KCND2: variants seen among roughly 807,000 people sequenced by gnomAD.
The protein encoded by KCND2 is potassium voltage-gated channel subfamily D member 2.
In KCND2, 16 loss-of-function variants were observed where a neutral mutation model predicts 54.4. The observed-to-expected ratio is 0.29, with a 90% CI of 0.20 to 0.45. The LOEUF (loss-of-function observed/expected upper bound fraction) is 0.45, where lower values mean the gene tolerates loss of function less well. Among genes scored for constraint, KCND2 ranks in the 20% least tolerant of loss-of-function variants. The pLI, the probability that KCND2 is intolerant of heterozygous loss-of-function variation, is 1.00. For missense variants in KCND2, 486 were observed against 824.2 expected (o/e 0.59, Z 5.02); for synonymous variants, 317 against 310.7 (o/e 1.02, Z -0.21).
At chr7:120,651,982 A>G (rs1424898270) in intron 1 of KCND2, among the ~76,000 whole-genome samples, 3 of 152,152 alleles carry the variant, frequency 2.0e-5, no homozygotes, top group Admixed American at 1.3e-4. Flanking sequence ...GCTATGGGAA[A>G]TCTGTTAATT....
chr7:120,525,003 G>T (rs977412115), intron 1 of KCND2, among the ~76,000 whole-genome samples: 1 of 152,002 alleles, frequency 6.6e-6, no homozygotes, highest in Non-Finnish European at 1.5e-5. Context: ...TTCAGACTTT[G>T]CATCTTTAGT....
intron 1 of KCND2, among the ~76,000 whole-genome samples, chr7:120,549,667 T>C (rs1455884067): frequency 2.0e-5 from 3 of 152,178 alleles, no homozygotes; most frequent in Non-Finnish European, 4.4e-5. Flanking sequence ...TCTAAAAGCA[T>C]CCATCCTGCT....
chr7:120,338,821 G>A (rs531189745), intron 1 of KCND2, among the ~76,000 whole-genome samples: 8 of 151,964 alleles, frequency 5.3e-5, no homozygotes, highest in Admixed American at 3.3e-4. Flanking sequence ...CAGAGAGTTG[G>A]GTGTAGTAAA....
rs1173605691 is a variant in KCND2, at chr7:120,663,867, A to C, written c.1116-69036A>C. On this transcript the variant is annotated intron_variant, in intron 1 of 5. Coordinates refer to ENST00000331113, the MANE Select transcript of KCND2 (RefSeq NM_012281.3). Reference sequence around the variant, plus strand: ...AGAAACTCCAATTAGTTTCCTCACCATTATTATATGCCACAGTTAATATTC... The same window carrying C: ...AGAAACTCCAATTAGTTTCCTCACCCTTATTATATGCCACAGTTAATATTC... 3.3e-5 allele frequency among the ~76,000 whole-genome samples: 5 copies of C among 152,264 alleles called. 1 individual carries two copies. In the Middle Eastern group the frequency reaches 0.014, roughly 414 times the overall value.
chr7:120,689,750 CCTT>C (rs1792247275), intron 1 of KCND2, among the ~76,000 whole-genome samples: 1 of 152,206 alleles, frequency 6.6e-6, no homozygotes, highest in South Asian at 2.1e-4. Context: ...ATTTTTTTCT[CCTT>C]CTAAAGAGAG....
At chr7:120,512,709 T>A (rs1475491464) in intron 1 of KCND2, among the ~76,000 whole-genome samples, 1 of 151,986 alleles carries the variant, frequency 6.6e-6, no homozygotes, top group Non-Finnish European at 1.5e-5. Context: ...AGTGAGGGAT[T>A]TTTTCTCCTT....
At chr7:120,302,630 A>G (rs940989413) in intron 1 of KCND2, among the ~76,000 whole-genome samples, 5 of 152,328 alleles carry the variant, frequency 3.3e-5, no homozygotes, top group African/African-American at 9.6e-5. Context: ...GATGTTTTAT[A>G]TATGGTTAAA....
At chr7:120,310,964 G>T (rs1044774762) in intron 1 of KCND2, among the ~76,000 whole-genome samples, 1 of 149,570 alleles carries the variant, frequency 6.7e-6, no homozygotes, top group African/African-American at 2.5e-5. Context: ...AGAAAGAAAA[G>T]AAAACTCTGT....
chr7:120,687,567 GC>G (rs757912845), intron 1 of KCND2, among the ~76,000 whole-genome samples: 6 of 152,040 alleles, frequency 3.9e-5, no homozygotes, highest in Non-Finnish European at 7.4e-5. Context: ...TGTAATCCCA[GC>G]ACTTTGGGAG....
chr7:120,334,852 A>G (rs1800121858), intron 1 of KCND2, among the ~76,000 whole-genome samples: 3 of 152,258 alleles, frequency 2.0e-5, no homozygotes, highest in African/African-American at 2.4e-5. Flanking sequence ...ATTGTATTAC[A>G]GTAAACAGAG....
intron 1 of KCND2, among the ~76,000 whole-genome samples, chr7:120,288,388 A>G (rs1032759476): frequency 4.6e-5 from 7 of 152,140 alleles, no homozygotes; most frequent in Non-Finnish European, 1.0e-4. Context: ...TCCAAAGAAG[A>G]TAATTTTTAA....
At position 120,275,526 on chromosome 7, in the gene KCND2, C is replaced by T. The variant is rs1290518120; in HGVS notation, c.894C>T (p.Phe298=). The change falls in exon 1 of 6, where the codon TTC becomes TTT. Residue 298 remains phenylalanine, a synonymous_variant. Coordinates refer to ENST00000331113, the MANE Select transcript of KCND2 (RefSeq NM_012281.3). ...TCACACTCCGAGTCTTCCGGGTCTT[C>T]AGGATCTTTAAGTTTTCCCGCCACT... The part of the protein sequence containing the change: ...AFVTLRVFRV[F]RIFKFSRHSQ... 1.2e-6 allele frequency: 2 copies of T among 1,611,620 alleles called. No homozygotes were observed. The highest frequency in any genetic ancestry group is 4.5e-5 in the East Asian group (2 of 44,820).
At chr7:120,415,706 T>C (rs909289978) in intron 1 of KCND2, among the ~76,000 whole-genome samples, 1 of 152,194 alleles carries the variant, frequency 6.6e-6, no homozygotes, top group Admixed American at 6.5e-5. Flanking sequence ...GGCCAAAACC[T>C]GTCATTCATG....
chr7:120,629,719 A>C (rs1214003176), intron 1 of KCND2, among the ~76,000 whole-genome samples: 1 of 152,184 alleles, frequency 6.6e-6, no homozygotes, highest in Non-Finnish European at 1.5e-5. Flanking sequence ...TTGGTAATGC[A>C]GTTGGAATGG....
chr7:120,613,533 G>A (rs1239871666), intron 1 of KCND2, among the ~76,000 whole-genome samples: 5 of 152,070 alleles, frequency 3.3e-5, no homozygotes, highest in South Asian at 2.1e-4. Flanking sequence ...TCCATCTTGG[G>A]GGGGAAGAAA....
At chr7:120,512,131 C>T (rs1042159969) in intron 1 of KCND2, among the ~76,000 whole-genome samples, 2 of 152,076 alleles carry the variant, frequency 1.3e-5, no homozygotes, top group South Asian at 4.1e-4. Flanking sequence ...GTTCAGTTCA[C>T]TTTTGAGAGC....
chr7:120,426,661 G>A (rs1202891240), intron 1 of KCND2, among the ~76,000 whole-genome samples: 5 of 106,354 alleles, frequency 4.7e-5, no homozygotes, highest in African/African-American at 2.5e-4. Flanking sequence ...GCAATCTGTC[G>A]CCCAGGCTGG....
At chr7:120,719,991 T>A (rs1017767902) in intron 1 of KCND2, among the ~76,000 whole-genome samples, 1 of 152,160 alleles carries the variant, frequency 6.6e-6, no homozygotes, top group African/African-American at 2.4e-5. Context: ...CATTTTTCAA[T>A]CATCAGATCT....
At chr7:120,721,023 T>A (rs67274007) in intron 1 of KCND2, among the ~76,000 whole-genome samples, 19,535 of 152,212 alleles carry the variant, frequency 0.13, 1,378 homozygotes, top group Non-Finnish European at 0.16. Flanking sequence ...TTAAAAAAAA[T>A]AGTTTTCTAG....
Sources: allele counts gnomAD v4.1 joint callset (sites outside exome capture counted in the v4.1 genomes callset), GRCh38; gene constraint gnomAD v4.1.1; transcripts MANE v1.5; gene names NCBI Gene and HGNC (gene_info 2026-07-23, HGNC 2026-07-21).